ROR1: variants seen among roughly 807,000 people sequenced by gnomAD.
ROR1 encodes the protein ROR family WNT receptor 1.
Under a neutral mutation model 78.8 loss-of-function variants are expected in ROR1, and 19 were observed. That is an observed-to-expected ratio of 0.24 (90% CI 0.17 to 0.35). The LOEUF is 0.35. Among genes scored for constraint, ROR1 ranks in the 10% least tolerant of loss-of-function variants. ROR1 has a pLI of 1.00. For missense variants in ROR1, 917 were observed against 1,177.8 expected (o/e 0.78, Z 3.24); for synonymous variants, 386 against 433.6 (o/e 0.89, Z 1.36).
At chr1:63,875,788 C>T (rs570097956) in intron 1 of ROR1, among the ~76,000 whole-genome samples, 115 of 152,248 alleles carry the variant, frequency 7.6e-4, no homozygotes, top group African/African-American at 2.6e-3. Context: ...CACTTCTCTC[C>T]TCATTAACTA....
intron 1 of ROR1, among the ~76,000 whole-genome samples, chr1:63,799,479 G>C (rs1301065068): frequency 2.6e-5 from 4 of 152,210 alleles, no homozygotes; most frequent in Non-Finnish European, 5.9e-5. Context: ...GCCTGTCATA[G>C]TGTCTGTATG....
chr1:64,002,850 G>GTAC (rs1408845397), intron 1 of ROR1, among the ~76,000 whole-genome samples: 1 of 152,194 alleles, frequency 6.6e-6, no homozygotes, highest in Admixed American at 6.5e-5. Context: ...CTCCAGCTAT[G>GTAC]TACTGCAGAG....
At chr1:63,999,651 C>T (rs754689838) in intron 1 of ROR1, among the ~76,000 whole-genome samples, 1 of 152,142 alleles carries the variant, frequency 6.6e-6, no homozygotes, top group Non-Finnish European at 1.5e-5. Context: ...TAGCACTTAG[C>T]TAGTCTGGAA....
chr1:63,958,084 A>G (rs1004965215), intron 1 of ROR1, among the ~76,000 whole-genome samples: 7 of 151,988 alleles, frequency 4.6e-5, no homozygotes, highest in African/African-American at 7.2e-5. Flanking sequence ...ACTTACCACA[A>G]TTCCTCATTC....
At chr1:63,927,455 A>G (rs1346888987) in intron 1 of ROR1, among the ~76,000 whole-genome samples, 50 of 148,722 alleles carry the variant, frequency 3.4e-4, no homozygotes, top group East Asian at 1.6e-3. Flanking sequence ...CATCAAGGAT[A>G]TTGGTCTAAA....
At chr1:63,934,035 T>C (rs1645774861) in intron 1 of ROR1, among the ~76,000 whole-genome samples, 1 of 152,194 alleles carries the variant, frequency 6.6e-6, no homozygotes, top group African/African-American at 2.4e-5. Flanking sequence ...GCTGCTGCTT[T>C]GCAGGTGCAG....
intron 1 of ROR1, among the ~76,000 whole-genome samples, chr1:63,901,953 G>T (rs1040174324): frequency 6.6e-6 from 1 of 152,118 alleles, no homozygotes; most frequent in Non-Finnish European, 1.5e-5. Context: ...AAGGATACAC[G>T]ACTCTAAATA....
At chr1:63,843,191 T>C (rs1645059930) in intron 1 of ROR1, 2 of 1,382,704 alleles carry the variant, frequency 1.4e-6, no homozygotes, top group Admixed American at 3.4e-5. Flanking sequence ...CAGAACCGGC[T>C]CACAAAGGCT....
intron 4 of ROR1, among the ~76,000 whole-genome samples, chr1:64,059,210 G>A (rs1296751926): frequency 6.6e-6 from 1 of 151,480 alleles, no homozygotes; most frequent in Non-Finnish European, 1.5e-5. Flanking sequence ...TGTCAGACTA[G>A]CTAGTCTAAC....
chr1:64,153,290 T>A (rs747358251), intron 7 of ROR1, among the ~76,000 whole-genome samples: 2 of 152,186 alleles, frequency 1.3e-5, no homozygotes, highest in Non-Finnish European at 2.9e-5. Context: ...GGAACCATTG[T>A]GATCTGTTGA....
chr1:63,827,492 G>A (rs1644961465), intron 1 of ROR1, among the ~76,000 whole-genome samples: 1 of 152,106 alleles, frequency 6.6e-6, no homozygotes, highest in Admixed American at 6.6e-5. Flanking sequence ...AAATTGGAGG[G>A]GACTCAGGGG....
chr1:63,889,329 G>A (rs1645378527), intron 1 of ROR1, among the ~76,000 whole-genome samples: 1 of 152,134 alleles, frequency 6.6e-6, no homozygotes, highest in African/African-American at 2.4e-5. Context: ...GAAACACTAG[G>A]GCTATCTTGA....
At chr1:63,923,926 C>T (rs1220468970) in intron 1 of ROR1, among the ~76,000 whole-genome samples, 3 of 151,878 alleles carry the variant, frequency 2.0e-5, no homozygotes, top group Non-Finnish European at 4.4e-5. Flanking sequence ...GCCTGAGGAC[C>T]TTTGCATGTG....
chr1:64,008,973 C>T (rs1051365648), intron 1 of ROR1, among the ~76,000 whole-genome samples: 2 of 152,046 alleles, frequency 1.3e-5, no homozygotes, highest in Non-Finnish European at 2.9e-5. Context: ...TATGAGATGG[C>T]ATCTCATTGT....
chr1:64,174,502 G>A (rs1650324193), intron 8 of ROR1, among the ~76,000 whole-genome samples: 2 of 152,142 alleles, frequency 1.3e-5, no homozygotes, highest in African/African-American at 4.8e-5. Flanking sequence ...AGCAGTGAAG[G>A]AGGAGAGGGT....
chr1:63,876,685 C>CGT (rs1218058223), intron 1 of ROR1, among the ~76,000 whole-genome samples: 2 of 120,920 alleles, frequency 1.7e-5, no homozygotes, highest in Non-Finnish European at 3.5e-5. Flanking sequence ...TGTGTGTGCG[C>CGT]GTGTGTGTGT....
At chr1:63,816,708 G>T (rs558742577) in intron 1 of ROR1, among the ~76,000 whole-genome samples, 1 of 152,214 alleles carries the variant, frequency 6.6e-6, no homozygotes, top group Non-Finnish European at 1.5e-5. Context: ...TGAGGGAGAA[G>T]AGACGGGCTC....
At chr1:63,813,469 T>A (rs1468789938) in intron 1 of ROR1, among the ~76,000 whole-genome samples, 1 of 152,234 alleles carries the variant, frequency 6.6e-6, no homozygotes, top group Non-Finnish European at 1.5e-5. Flanking sequence ...CTTGGTTTTA[T>A]GTGAATGTGT....
chr1:64,082,361 G>A (rs762774143), intron 4 of ROR1, among the ~76,000 whole-genome samples: 1 of 152,172 alleles, frequency 6.6e-6, no homozygotes, highest in Non-Finnish European at 1.5e-5. Flanking sequence ...CAAGATGAGG[G>A]TAATGGAAAA....
Sources: gnomAD v4.1 joint callset for allele counts (sites outside exome capture counted in the v4.1 genomes callset) on GRCh38, gnomAD v4.1.1 for gene constraint, MANE v1.5 for transcripts, NCBI Gene and HGNC (gene_info 2026-07-23, HGNC 2026-07-21) for gene names.